The following NKPD1 variants were observed in gnomAD, a reference collection of about 807,000 sequenced individuals.
The protein encoded by NKPD1 is NTPase KAP family P-loop domain-containing protein 1.
In NKPD1, 37 loss-of-function variants were observed where a neutral mutation model predicts 42.2. That is an observed-to-expected ratio of 0.88 (90% CI 0.67 to 1.15). NKPD1 has a LOEUF of 1.15. NKPD1 is among the 50% of genes most tolerant of loss of function. NKPD1 has a pLI of 0.00. For synonymous variants in NKPD1, 552 were observed against 536.5 expected (o/e 1.03, Z -0.40); for missense variants, 1,113 against 1,174.6 (o/e 0.95, Z 0.77).
At position 45,153,717 on chromosome 19, in the gene NKPD1, C is replaced by T; in HGVS notation, c.720G>A (p.Trp240Ter). 3 of 1,530,858 alleles carry T rather than the reference C, an allele frequency of 2.0e-6. No homozygotes were observed. Among genetic ancestry groups the T allele is most frequent in the Non-Finnish European group, 2.6e-6 (3 of 1,133,220 alleles). 94.8% of individuals were successfully genotyped at this position (1,530,858 alleles called of 1,614,324 possible). A position where few individuals can be genotyped will look rare whatever the true frequency, so the allele number is the denominator to read the frequency against. Residue 240 changes from tryptophan to a stop codon, truncating the protein, a stop_gained, in exon 5 of 5, where the codon TGG becomes TGA. Coordinates refer to ENST00000686631, the MANE Select transcript of NKPD1 (RefSeq NM_198478.4). LOFTEE classifies it high-confidence loss of function. ...RESEELQHVQ[W>*]RPRAVSGWGV... ...CCCAGCCGCTCACGGCACGCGGCCG[C>T]CACTGCACGTGCTGCAGCTCCTCGC... is the stretch of plus-strand genomic sequence containing the variant.
intron 4 of NKPD1, 106 bp from the exon 5 acceptor site, chr19:45,153,881 G>C (rs570283079): frequency 8.5e-7 from 1 of 1,172,186 alleles, no homozygotes; most frequent in African/African-American, 1.6e-5. Context: ...GGGGCGCCCA[G>C]CAGAGGCGAG....
chr19:45,158,815 G>A lies in NKPD1; in HGVS notation c.377C>T (p.Ala126Val), dbSNP rs770768260. The change falls in exon 3 of 5, where the codon GCG (alanine) becomes GTG (valine). Residue 126 changes from alanine (A) to valine (V), a missense_variant. Transcript: ENST00000686631. The surrounding 1 kb of genome is among the most constrained non-coding windows in gnomAD (Gnocchi z 4.6). ...VPKEPASAPQAPTLPTTAPAM... is the reference protein window; with the variant it reads ...VPKEPASAPQVPTLPTTAPAM... ...TGGTGCCGTGGTGGGTAAGGTGGGC[G>A]CCTGAGGGGCGCTGGCAGGTTCCTT... 1.3e-5 allele frequency: 17 copies of A among 1,269,960 alleles called. No individual in the cohort carries two copies. Among genetic ancestry groups the A allele is most frequent in the South Asian group, 6.5e-5 (5 of 76,770 alleles). The allele number at this position is 1,269,960 out of a possible 1,614,324, so 78.7% of individuals were successfully genotyped here.
chr19:45,153,084 C>T lies in NKPD1; in HGVS notation c.1353G>A (p.Arg451=). ...CGGTGACCTCCAGCACCACGCGCAGCCTGCGCCGCTGGTAGATCTCCAGGA... is the reference window on the plus strand; with the variant it reads ...CGGTGACCTCCAGCACCACGCGCAGTCTGCGCCGCTGGTAGATCTCCAGGA... The part of the protein sequence containing the change: ...LCFLEIYQRR[R]LRVVLEVTGL... Residue 451 remains arginine, a synonymous_variant, in exon 5 of 5, where the codon AGG becomes AGA. Transcript: ENST00000686631. The T allele has an allele frequency of 1.3e-6, 2 of 1,576,088 alleles. No individual in the cohort carries two copies. Among genetic ancestry groups the T allele is most frequent in the African/African-American group, 1.3e-5 (1 of 74,074 alleles).
upstream of NKPD1, among the ~76,000 whole-genome samples, chr19:45,161,071 C>T (rs1023707164): frequency 6.6e-6 from 1 of 152,188 alleles, no homozygotes; most frequent in Non-Finnish European, 1.5e-5. Context: ...CCTTCCCCAG[C>T]GCCTGCCTGT....
In NKPD1 at chr19:45,152,027, G is replaced by A; in HGVS notation, c.2410C>T (p.His804Tyr). ...CCCCTGTGGGCCAAGTCCCCAGTGT[G>A]GTGGCCTTCGCCGGCTTGCCCTGAG... ...RASGQAGEGH[H>Y]TGDLAHRGKL... The change falls in exon 5 of 5, where the codon CAC becomes TAC. Residue 804 changes from histidine to tyrosine, a missense_variant. Coordinates refer to ENST00000686631, the MANE Select transcript of NKPD1 (RefSeq NM_198478.4). The A allele has an allele frequency of 1.2e-6, 2 of 1,610,402 alleles. No individual in the cohort carries two copies. The highest frequency in any genetic ancestry group is 1.7e-6 in the Non-Finnish European group (2 of 1,178,832).
rs1344924704 is a variant in NKPD1 at position 45,158,470 on chromosome 19, C to G, written c.529+193G>C. On this transcript the variant is annotated intron_variant, in intron 3 of 4. Coordinates refer to ENST00000686631, the MANE Select transcript of NKPD1 (RefSeq NM_198478.4). This position sits in a 1 kb window ranked among gnomAD's most constrained non-coding sequence, Gnocchi z 4.6. Reference sequence around the variant, plus strand: ...GCACGGGGCAGGCCTGGCCTGGAAGCCTTGGACCCCAACAGGCAAAGCTGA... The same window carrying G: ...GCACGGGGCAGGCCTGGCCTGGAAGGCTTGGACCCCAACAGGCAAAGCTGA... Among the ~76,000 whole-genome samples, 1 of 152,256 alleles carries G rather than the reference C, an allele frequency of 6.6e-6. No homozygotes were observed. Among genetic ancestry groups the G allele is most frequent in the African/African-American group, 2.4e-5 (1 of 41,478 alleles).
chr19:45,152,740 G>A lies in NKPD1; in HGVS notation c.1697C>T (p.Ala566Val), dbSNP rs1968814658. ...MTRKPWLPGDAGGESAQLLAV... is the reference protein window; with the variant it reads ...MTRKPWLPGDVGGESAQLLAV... ...CAGCAGCTGCGCGCTCTCGCCCCCG[G>A]CGTCCCCCGGCAGCCACGGCTTGCG... is the stretch of plus-strand genomic sequence containing the variant. Residue 566 changes from alanine (A) to valine (V), a missense_variant, in exon 5 of 5, where the codon GCC becomes GTC. Ala to Val is a moderately conservative substitution (Grantham distance 64). Coordinates refer to ENST00000686631, the MANE Select transcript of NKPD1 (RefSeq NM_198478.4). The A allele has an allele frequency of 6.3e-7, 1 of 1,589,736 alleles. No individual in the cohort carries two copies.
At chr19:45,155,278 A>G (rs1968881285) in intron 4 of NKPD1, among the ~76,000 whole-genome samples, 1 of 151,954 alleles carries the variant, frequency 6.6e-6, no homozygotes, top group Non-Finnish European at 1.5e-5. Context: ...AGATCGCACC[A>G]TTGCACTCCA....
chr19:45,151,944 C>T lies in NKPD1; in HGVS notation c.2493G>A (p.Gly831=), dbSNP rs753440456. ...TGCCCGCCAAGTCCTCCATTTAAGG[C>T]CCACCTGGGCTGGATTGCCCTGGAC... ...LFRPGQSSPG[G]P The change falls in exon 5 of 5, where the codon GGG becomes GGA. Residue 831 remains glycine, a synonymous_variant. Coordinates refer to ENST00000686631, the MANE Select transcript of NKPD1 (RefSeq NM_198478.4). The T allele has an allele frequency of 6.4e-7, 1 of 1,556,940 alleles. No individual in the cohort carries two copies. The highest frequency in any genetic ancestry group is 8.7e-7 in the Non-Finnish European group (1 of 1,147,818).
chr19:45,162,568 C>T (rs917669327), upstream of NKPD1, among the ~76,000 whole-genome samples: 1 of 152,026 alleles, frequency 6.6e-6, no homozygotes, highest in African/African-American at 2.4e-5. Flanking sequence ...GCGTAGGGGC[C>T]GCGTGTGTCC....
chr19:45,155,023 TAA>T (rs11345601), intron 4 of NKPD1, among the ~76,000 whole-genome samples: 12,221 of 112,574 alleles, frequency 0.11, 1,882 homozygotes, highest in African/African-American at 0.36. Flanking sequence ...AGACTCCATT[TAA>T]AAAAAAAAAA....
In NKPD1 at chr19:45,152,595, G is replaced by A; in HGVS notation, c.1842C>T (p.Tyr614=). 1.3e-6 allele frequency: 2 copies of A among 1,585,080 alleles called. No homozygotes were observed. The highest frequency in any genetic ancestry group is 1.7e-6 in the Non-Finnish European group (2 of 1,175,040). Residue 614 remains tyrosine, a synonymous_variant, in exon 5 of 5, where the codon TAC becomes TAT. Transcript: ENST00000686631. ...LHDERDCLYE[Y]VPDNVVSMRR... is the part of the protein sequence containing the mutation. ...GCATGGACACCACGTTGTCGGGCAC[G>A]TACTCGTAGAGGCAGTCGCGCTCGT...
Position 45,153,173 on chromosome 19 carries a change from T to C in NKPD1, c.1264A>G (p.Ser422Gly). The change falls in exon 5 of 5, where the codon AGC becomes GGC. Residue 422 changes from serine (S) to glycine (G), a missense_variant. Coordinates refer to ENST00000686631, the MANE Select transcript of NKPD1 (RefSeq NM_198478.4). ...ERLVSREKFG[S>G]QLGFMCEVKK... ...ACCTCGCACATGAAACCCAGCTGGC[T>C]GCCGAACTTTTCACGCGACACCAGC... 1.3e-6 allele frequency: 2 copies of C among 1,581,852 alleles called. No homozygotes were observed. The highest frequency in any genetic ancestry group is 1.7e-6 in the Non-Finnish European group (2 of 1,164,798).
At chr19:45,154,967 C>T (rs181728394) in intron 4 of NKPD1, among the ~76,000 whole-genome samples, 6 of 131,858 alleles carry the variant, frequency 4.6e-5, no homozygotes, top group African/African-American at 8.7e-5. Flanking sequence ...GGAGGCTGCA[C>T]TGAGTTGAGA....
chr19:45,155,657 T>C (rs927915483), intron 4 of NKPD1, 128 bp downstream of exon 4: 19 of 940,284 alleles, frequency 2.0e-5, no homozygotes, highest in East Asian at 6.4e-5. Context: ...AGGCATGGGC[T>C]TGGGGAGGGC....
At position 45,151,381 on chromosome 19, in the gene NKPD1, C is replaced by T. The variant is rs1968773983; in HGVS notation, c.*557G>A. 6.6e-6 allele frequency: 1 copy of T among 152,496 alleles called. No individual in the cohort carries two copies. Among genetic ancestry groups the T allele is most frequent in the South Asian group, 2.1e-4 (1 of 4,846 alleles). 9.4% of individuals were successfully genotyped at this position (152,496 alleles called of 1,614,324 possible). A position where few individuals can be genotyped will look rare whatever the true frequency, so the allele number is the denominator to read the frequency against. On this transcript the variant is annotated 3_prime_UTR_variant, in exon 5 of 5. Transcript: ENST00000686631. ...AGCAGCTTGCTGAGGTCACCGAGGT[C>T]ATCCTCAGAAATGCCAGCCCCTGCC...
upstream of NKPD1, among the ~76,000 whole-genome samples, chr19:45,161,579 G>T (rs149278627): frequency 5.3e-4 from 81 of 152,364 alleles, 1 homozygote; most frequent in Admixed American, 1.2e-3. Context: ...GCCCAGAGAA[G>T]TGAAGTCCTC....
rs572806499 is a variant in NKPD1 at position 45,156,567 on chromosome 19, G to A, written c.530-651C>T. On this transcript the variant is annotated intron_variant, in intron 3 of 4. Coordinates refer to ENST00000686631, the MANE Select transcript of NKPD1 (RefSeq NM_198478.4). ...AGTGGGGCAGCAGAGACACCAGGGA[G>A]CAGGAATGCCAAAGGGTCTGGCCAG... Among the ~76,000 whole-genome samples the A allele has an allele frequency of 3.3e-5, 5 of 152,350 alleles. No individual in the cohort carries two copies. The East Asian group carries it at 5.8e-4, about 18-fold the overall frequency.
chr19:45,155,726 G>A (rs1968889341), intron 4 of NKPD1, 59 bp downstream of exon 4: 3 of 1,261,262 alleles, frequency 2.4e-6, no homozygotes, highest in Admixed American at 2.4e-5. Flanking sequence ...CTGGAGCTGG[G>A]CGGGGACCAG....
Sources: allele counts gnomAD v4.1 joint callset (sites outside exome capture counted in the v4.1 genomes callset), GRCh38; gene constraint gnomAD v4.1.1; non-coding constraint Gnocchi (gnomAD v3.1); transcripts MANE v1.5; gene names NCBI Gene and HGNC (gene_info 2026-07-23, HGNC 2026-07-21).